AGBL1: variants seen among roughly 807,000 people sequenced by gnomAD.
The protein encoded by AGBL1 is cytosolic carboxypeptidase 4.
In AGBL1, 130 loss-of-function variants were observed where a neutral mutation model predicts 118.9. That is an observed-to-expected ratio of 1.09 (90% CI 0.95 to 1.26). AGBL1 has a LOEUF of 1.26. Ranked by LOEUF, AGBL1 falls within the 50% of genes most tolerant of loss-of-function variation. The probability of loss-of-function intolerance (pLI) is 0.00; values close to 1 mark genes in which losing one functional copy is unlikely to be tolerated. For synonymous variants in AGBL1, 555 were observed against 478.9 expected (o/e 1.16, Z -2.08); for missense variants, 1,584 against 1,298.1 (o/e 1.22, Z -3.38).
chr15:86,626,375 G>C (rs1319715204), intron 21 of AGBL1, among the ~76,000 whole-genome samples: 1 of 152,154 alleles, frequency 6.6e-6, no homozygotes, highest in Non-Finnish European at 1.5e-5. Flanking sequence ...GATGGAGCTG[G>C]AGGTCATTAT....
In AGBL1 at chr15:86,532,193, T is replaced by C. The variant is rs1329806974; in HGVS notation, c.2685+9254T>C. Among the ~76,000 whole-genome samples, 3 of 150,238 alleles carry C rather than the reference T, an allele frequency of 2.0e-5. No homozygotes were observed. In the East Asian group the frequency reaches 6.0e-4, roughly 30 times the overall value. On this transcript the variant is annotated intron_variant, in intron 19 of 22. Coordinates refer to ENST00000614907, the MANE Select transcript of AGBL1 (RefSeq NM_001386094.1). The stretch of plus-strand genomic sequence containing the variant: ...TTGTCCCTGTTTGCAGACAACATGA[T>C]TGTTTATCTAGAAAACCCCATCATC...
chr15:86,318,541 G>A (rs544105609), intron 17 of AGBL1, among the ~76,000 whole-genome samples: 5 of 151,050 alleles, frequency 3.3e-5, no homozygotes, highest in Non-Finnish European at 7.4e-5. Context: ...TATTAATAAA[G>A]CCTGGGTCCA....
At chr15:86,642,407 C>T (rs76715324) in intron 21 of AGBL1, among the ~76,000 whole-genome samples, 1,813 of 152,060 alleles carry the variant, frequency 0.012, 29 homozygotes, top group East Asian at 0.077. Context: ...TAAGAATTGA[C>T]GAGACATGGT....
At chr15:86,993,496 C>CACAA (rs2081351871) in intron 24 of AGBL1, among the ~76,000 whole-genome samples, 3 of 152,046 alleles carry the variant, frequency 2.0e-5, no homozygotes, top group South Asian at 4.1e-4. Flanking sequence ...CTTCTGCTGT[C>CACAA]ACAAACATGA....
chr15:86,962,046 C>A (rs1292421860), intron 23 of AGBL1, among the ~76,000 whole-genome samples: 2 of 152,094 alleles, frequency 1.3e-5, no homozygotes, highest in African/African-American at 4.8e-5. Context: ...TTGGCGAGTT[C>A]TTATTTGCAG....
chr15:86,410,829 T>TAAA (rs2081599700), intron 18 of AGBL1, among the ~76,000 whole-genome samples: 1 of 84,164 alleles, frequency 1.2e-5, no homozygotes, highest in African/African-American at 5.2e-5. Flanking sequence ...TATATATATA[T>TAAA]ATATATATAT....
intron 18 of AGBL1, among the ~76,000 whole-genome samples, chr15:86,458,363 G>A (rs896889149): frequency 3.9e-5 from 6 of 152,010 alleles, no homozygotes; most frequent in East Asian, 1.9e-4. Context: ...ATTTACATTC[G>A]TGTACCAAGA....
intron 22 of AGBL1, among the ~76,000 whole-genome samples, chr15:86,828,845 C>G (rs921389880): frequency 1.3e-5 from 2 of 149,932 alleles, no homozygotes; most frequent in African/African-American, 4.9e-5. Flanking sequence ...CTGCCTGCAC[C>G]AAGGCTGTGA....
intron 22 of AGBL1, among the ~76,000 whole-genome samples, chr15:86,884,902 G>A (rs2079948752): frequency 6.6e-6 from 1 of 152,180 alleles, no homozygotes; most frequent in South Asian, 2.1e-4. Flanking sequence ...CGAGCTCTCG[G>A]ATACGGAAGA....
intron 18 of AGBL1, among the ~76,000 whole-genome samples, chr15:86,431,239 G>A (rs1002689242): frequency 6.6e-6 from 1 of 152,216 alleles, no homozygotes; most frequent in Admixed American, 6.5e-5. Flanking sequence ...GTTTCTTTCA[G>A]TGTCAGTTTC....
intron 22 of AGBL1, among the ~76,000 whole-genome samples, chr15:86,816,345 G>A (rs1412701103): frequency 1.3e-5 from 2 of 152,204 alleles, no homozygotes; most frequent in Non-Finnish European, 2.9e-5. Context: ...TAGTGAGGAG[G>A]CCTGGAGGCC....
intron 22 of AGBL1, among the ~76,000 whole-genome samples, chr15:86,686,389 T>A (rs556185966): frequency 1.4e-3 from 211 of 151,812 alleles, no homozygotes; most frequent in African/African-American, 4.8e-3. Flanking sequence ...TAGGAGTTAA[T>A]GGCACTACTG....
chr15:86,629,559 ATAGG>A (rs754086999), intron 21 of AGBL1, among the ~76,000 whole-genome samples: 13 of 152,226 alleles, frequency 8.5e-5, no homozygotes, highest in Non-Finnish European at 1.8e-4. Flanking sequence ...TGAATCATAC[ATAGG>A]TATGTAATTT....
At chr15:86,115,205 G>T (rs1008574346) in intron 1 of AGBL1, among the ~76,000 whole-genome samples, 3 of 152,134 alleles carry the variant, frequency 2.0e-5, no homozygotes, top group African/African-American at 7.2e-5. Context: ...CATCCATCTT[G>T]CTTCCAGTCC....
At chr15:86,119,683 G>A (rs1897977152) in intron 1 of AGBL1, among the ~76,000 whole-genome samples, 1 of 146,920 alleles carries the variant, frequency 6.8e-6, no homozygotes, top group South Asian at 2.2e-4. Context: ...GTGTGTGTGT[G>A]TGTGTATGTA....
chr15:86,682,040 C>T (rs1177124802), intron 22 of AGBL1, among the ~76,000 whole-genome samples: 1 of 152,172 alleles, frequency 6.6e-6, no homozygotes, highest in Non-Finnish European at 1.5e-5. Flanking sequence ...CGTGACTATT[C>T]TGGTAATAGC....
downstream of AGBL1, among the ~76,000 whole-genome samples, chr15:87,030,236 A>C (rs1179203369): frequency 6.6e-6 from 1 of 151,992 alleles, no homozygotes; most frequent in African/African-American, 2.4e-5. Flanking sequence ...TATGGTGGGC[A>C]TATGTATACA....
At chr15:86,926,133 C>A (rs1289464177) in intron 23 of AGBL1, among the ~76,000 whole-genome samples, 1 of 152,138 alleles carries the variant, frequency 6.6e-6, no homozygotes. Flanking sequence ...ACGTTCCTTT[C>A]ATGTTTCTCC....
At chr15:86,977,309 G>A (rs948739759) in intron 23 of AGBL1, among the ~76,000 whole-genome samples, 6 of 151,438 alleles carry the variant, frequency 4.0e-5, no homozygotes, top group African/African-American at 1.5e-4. Flanking sequence ...GGTCTACTAA[G>A]CTAATAGAAA....
Sources: gnomAD v4.1 joint callset for allele counts (sites outside exome capture counted in the v4.1 genomes callset) on GRCh38, gnomAD v4.1.1 for gene constraint, MANE v1.5 for transcripts, NCBI Gene and HGNC (gene_info 2026-07-23, HGNC 2026-07-21) for gene names.